IQCM: variants seen among roughly 807,000 people sequenced by gnomAD.
IQCM encodes IQ motif containing M.
A neutral mutation model predicts 57.6 loss-of-function variants in IQCM; 45 were observed. The ratio of observed to expected loss-of-function variants is 0.78; its 90% CI spans 0.62 to 1.00. The LOEUF (loss-of-function observed/expected upper bound fraction) is 1.00. IQCM is among the 50% of genes least tolerant of loss of function. The probability of loss-of-function intolerance (pLI) is 0.00; values close to 1 mark genes in which losing one functional copy is unlikely to be tolerated. For synonymous variants in IQCM, 148 were observed against 158.9 expected (o/e 0.93, Z 0.51); for missense variants, 468 against 511.6 (o/e 0.91, Z 0.82).
At chr4:149,484,900 C>A (rs985982641) in intron 12 of IQCM, among the ~76,000 whole-genome samples, 4 of 152,056 alleles carry the variant, frequency 2.6e-5, no homozygotes, top group Non-Finnish European at 2.9e-5. Flanking sequence ...AATCCCTCAG[C>A]TTTTATCTAT....
At chr4:149,668,260 G>A (rs938008236) in intron 7 of IQCM, among the ~76,000 whole-genome samples, 1 of 152,138 alleles carries the variant, frequency 6.6e-6, no homozygotes, top group African/African-American at 2.4e-5. Context: ...AGAAGAGAGT[G>A]GGGGCCAATA....
At chr4:149,565,797 GA>G (rs1185215989) in intron 9 of IQCM, among the ~76,000 whole-genome samples, 1 of 151,534 alleles carries the variant, frequency 6.6e-6, no homozygotes, top group African/African-American at 2.4e-5. Context: ...GTGTGTAAAT[GA>G]AAAAAAAGTC....
chr4:149,726,776 T>C (rs750902669), intron 5 of IQCM, among the ~76,000 whole-genome samples: 4 of 152,200 alleles, frequency 2.6e-5, no homozygotes, highest in Non-Finnish European at 5.9e-5. Context: ...ATTTTACATA[T>C]ATATATGTAA....
At position 149,619,931 on chromosome 4, in the gene IQCM, C is replaced by T. The variant is rs189260770; in HGVS notation, c.681+1198G>A. Among the ~76,000 whole-genome samples, 11 of 152,066 alleles carry T rather than the reference C, an allele frequency of 7.2e-5. No individual in the cohort carries two copies. The East Asian group carries it at 2.1e-3, about 29-fold the overall frequency. ...CAGCACTTTGGGAGAGTAAGGTGGG[C>T]AGATCACCTAAGGTCAGGAATTTGA... On this transcript the variant is annotated intron_variant, in intron 8 of 13. Coordinates refer to ENST00000636793, the MANE Select transcript of IQCM (RefSeq NM_001363507.2).
chr4:149,734,506 T>A (rs1480587656), intron 4 of IQCM, among the ~76,000 whole-genome samples: 1 of 152,120 alleles, frequency 6.6e-6, no homozygotes, highest in Admixed American at 6.6e-5. Flanking sequence ...TAAAGGACCA[T>A]TCAAAAGAAA....
At chr4:149,558,939 A>G (rs534362688) in intron 10 of IQCM, among the ~76,000 whole-genome samples, 5 of 152,310 alleles carry the variant, frequency 3.3e-5, no homozygotes, top group African/African-American at 7.2e-5. Context: ...AACTGGACTC[A>G]GTGTTAAAAC....
chr4:149,417,040 A>C (rs1733795382), intron 13 of IQCM, among the ~76,000 whole-genome samples: 1 of 152,142 alleles, frequency 6.6e-6, no homozygotes, highest in Non-Finnish European at 1.5e-5. Flanking sequence ...TTTAGACCTA[A>C]GACTCTCATA....
chr4:149,799,526 C>A (rs986183888), intron 2 of IQCM, among the ~76,000 whole-genome samples: 7 of 151,280 alleles, frequency 4.6e-5, no homozygotes, highest in Non-Finnish European at 8.9e-5. Context: ...CAAAACAATA[C>A]AAAAGATCAA....
intron 6 of IQCM, among the ~76,000 whole-genome samples, chr4:149,682,715 C>A (rs2150206174): frequency 6.6e-6 from 1 of 151,246 alleles, no homozygotes; most frequent in Middle Eastern, 3.4e-3. Context: ...TATAGGCCAG[C>A]ATTTAGGGCA....
intron 13 of IQCM, among the ~76,000 whole-genome samples, chr4:149,374,548 C>G (rs1730577045): frequency 6.6e-6 from 1 of 151,882 alleles, no homozygotes; most frequent in Non-Finnish European, 1.5e-5. Context: ...CCTAACAAAC[C>G]CAAAATGATA....
chr4:149,787,200 A>G (rs987824373), intron 2 of IQCM, among the ~76,000 whole-genome samples: 1 of 152,002 alleles, frequency 6.6e-6, no homozygotes, highest in Non-Finnish European at 1.5e-5. Flanking sequence ...AACTTAGAGG[A>G]CAGGTCAATA....
chr4:149,585,214 C>T (rs1000516518), intron 9 of IQCM, among the ~76,000 whole-genome samples: 3 of 151,628 alleles, frequency 2.0e-5, no homozygotes, highest in African/African-American at 7.3e-5. Context: ...TAGAAATTAG[C>T]CAGTACTTTA....
intron 13 of IQCM, among the ~76,000 whole-genome samples, chr4:149,360,407 C>T (rs1002646667): frequency 8.5e-5 from 13 of 152,050 alleles, no homozygotes; most frequent in Non-Finnish European, 1.3e-4. Context: ...TTATAAGAAA[C>T]ATGAGCATCT....
At chr4:149,658,312 A>G (rs113030486) in intron 7 of IQCM, among the ~76,000 whole-genome samples, 75 of 152,048 alleles carry the variant, frequency 4.9e-4, no homozygotes, top group African/African-American at 1.8e-3. Context: ...AGTTGGCTGT[A>G]GATGTCAGAA....
intron 10 of IQCM, among the ~76,000 whole-genome samples, chr4:149,558,926 G>C (rs1749852225): frequency 6.6e-6 from 1 of 152,138 alleles, no homozygotes; most frequent in Non-Finnish European, 1.5e-5. Context: ...ACTCAGTGTT[G>C]AAAACTGGAC....
chr4:149,545,955 C>T (rs145335378), intron 12 of IQCM, among the ~76,000 whole-genome samples: 2 of 152,060 alleles, frequency 1.3e-5, no homozygotes, highest in African/African-American at 2.4e-5. Context: ...TCTCCTAATG[C>T]TATTCCTCCC....
At chr4:149,516,104 C>T (rs1382276062) in intron 12 of IQCM, among the ~76,000 whole-genome samples, 2 of 152,182 alleles carry the variant, frequency 1.3e-5, no homozygotes, top group Admixed American at 6.5e-5. Flanking sequence ...GCTGACCTGC[C>T]TATGGCCATT....
At chr4:149,671,275 T>C (rs1043495953) in intron 7 of IQCM, among the ~76,000 whole-genome samples, 4 of 152,182 alleles carry the variant, frequency 2.6e-5, no homozygotes, top group African/African-American at 9.7e-5. Flanking sequence ...TGCGTAGAGA[T>C]GTTTATAGTA....
intron 12 of IQCM, among the ~76,000 whole-genome samples, chr4:149,497,849 G>C (rs1007232754): frequency 1.3e-5 from 2 of 150,542 alleles, no homozygotes; most frequent in Non-Finnish European, 3.0e-5. Flanking sequence ...AAATTTTTTC[G>C]CTTAGTATTT....
Sources: allele counts gnomAD v4.1 joint callset (sites outside exome capture counted in the v4.1 genomes callset), GRCh38; gene constraint gnomAD v4.1.1; transcripts MANE v1.5; gene names NCBI Gene and HGNC (gene_info 2026-07-23, HGNC 2026-07-21).